MACROD2: variants seen among roughly 807,000 people sequenced by gnomAD.
MACROD2 encodes the protein mono-ADP ribosylhydrolase 2.
Under a neutral mutation model 70.4 loss-of-function variants are expected in MACROD2, and 36 were observed. That is an observed-to-expected ratio of 0.51 (90% CI 0.39 to 0.68). MACROD2 has a LOEUF of 0.68. Among genes scored for constraint, MACROD2 ranks in the 30% least tolerant of loss-of-function variants. The pLI is 0.00. For missense variants in MACROD2, 496 were observed against 538.4 expected, an observed-to-expected ratio of 0.92 and a Z score of 0.78; for synonymous variants, 172 against 178.8, an observed-to-expected ratio of 0.96 and a Z score of 0.30.
intron 5 of MACROD2, among the ~76,000 whole-genome samples, chr20:14,685,280 G>A (rs1600538432): frequency 3.3e-5 from 5 of 152,212 alleles, no homozygotes; most frequent in South Asian, 4.1e-4. Flanking sequence ...GCATTTAAGT[G>A]CCACAGAGTG....
At chr20:14,272,705 G>A (rs2082207832) in intron 3 of MACROD2, among the ~76,000 whole-genome samples, 1 of 151,776 alleles carries the variant, frequency 6.6e-6, no homozygotes, top group Admixed American at 6.6e-5. Flanking sequence ...CTGGCAAATT[G>A]GATAAAGAGT....
chr20:14,890,602 CTATT>C (rs1323127071), intron 5 of MACROD2, among the ~76,000 whole-genome samples: 2 of 151,562 alleles, frequency 1.3e-5, no homozygotes, highest in East Asian at 3.9e-4. Flanking sequence ...ACCCCCATCT[CTATT>C]TAAAAAATAG....
At chr20:15,528,004 A>G (rs1260072263) in intron 8 of MACROD2, among the ~76,000 whole-genome samples, 2 of 152,216 alleles carry the variant, frequency 1.3e-5, no homozygotes, top group Non-Finnish European at 2.9e-5. Flanking sequence ...ATCTGCTGTT[A>G]TATCTCCAGT....
chr20:14,034,254 G>A (rs1352928159), intron 2 of MACROD2, among the ~76,000 whole-genome samples: 4 of 152,176 alleles, frequency 2.6e-5, no homozygotes, highest in East Asian at 1.9e-4. Context: ...GATTACAGGC[G>A]TGAGCCACCG....
intron 5 of MACROD2, among the ~76,000 whole-genome samples, chr20:15,097,032 G>A (rs1470247122): frequency 6.6e-6 from 1 of 151,592 alleles, no homozygotes; most frequent in African/African-American, 2.4e-5. Context: ...GGCTCGTCTC[G>A]AACTCCTGAC....
At chr20:14,893,146 A>G (rs906198647) in intron 5 of MACROD2, 2 of 152,142 alleles carry the variant, frequency 1.3e-5, no homozygotes, top group Admixed American at 1.3e-4. Flanking sequence ...TTAAGGCTGA[A>G]TAATATATCT....
At chr20:15,315,769 A>C (rs1250182974) in intron 6 of MACROD2, among the ~76,000 whole-genome samples, 2 of 152,226 alleles carry the variant, frequency 1.3e-5, no homozygotes, top group Non-Finnish European at 2.9e-5. Context: ...AGGTAAATGC[A>C]TAGGTAAATG....
chr20:14,936,773 CA>C (rs1472252641), intron 5 of MACROD2, among the ~76,000 whole-genome samples: 2 of 152,050 alleles, frequency 1.3e-5, no homozygotes, highest in Non-Finnish European at 2.9e-5. Flanking sequence ...TGAGAATGAC[CA>C]AAAATCAAAA....
intron 3 of MACROD2, among the ~76,000 whole-genome samples, chr20:14,145,608 A>C (rs1157480209): frequency 1.3e-5 from 2 of 152,188 alleles, no homozygotes; most frequent in Non-Finnish European, 2.9e-5. Context: ...AATAGCATGA[A>C]TCTCCAGAAA....
At chr20:14,355,036 T>G (rs1394385353) in intron 3 of MACROD2, among the ~76,000 whole-genome samples, 1 of 152,228 alleles carries the variant, frequency 6.6e-6, no homozygotes, top group Non-Finnish European at 1.5e-5. Flanking sequence ...AATCCACTAG[T>G]GATGGGCACC....
intron 8 of MACROD2, among the ~76,000 whole-genome samples, chr20:15,797,730 A>T (rs753390559): frequency 2.6e-5 from 4 of 152,174 alleles, no homozygotes; most frequent in Non-Finnish European, 5.9e-5. Context: ...TCAGGGTTCT[A>T]TTAGCATAGA....
intron 5 of MACROD2, among the ~76,000 whole-genome samples, chr20:14,784,323 T>C (rs2072337648): frequency 6.6e-6 from 1 of 152,134 alleles, no homozygotes; most frequent in African/African-American, 2.4e-5. Flanking sequence ...AGGACGGAGC[T>C]TGGGTCCCTT....
chr20:15,383,542 G>A (rs897872373), intron 6 of MACROD2, among the ~76,000 whole-genome samples: 2 of 152,060 alleles, frequency 1.3e-5, no homozygotes, highest in African/African-American at 4.8e-5. Context: ...TGTTCCTTTT[G>A]GATTTAATGT....
intron 5 of MACROD2, among the ~76,000 whole-genome samples, chr20:14,730,843 GT>G (rs988273358): frequency 8.6e-5 from 13 of 152,044 alleles, no homozygotes; most frequent in African/African-American, 3.1e-4. Context: ...GGTTTAAAGT[GT>G]TTTTTTAAAG....
chr20:14,279,355 C>T (rs898611451), intron 3 of MACROD2, among the ~76,000 whole-genome samples: 3 of 152,088 alleles, frequency 2.0e-5, no homozygotes, highest in African/African-American at 4.8e-5. Flanking sequence ...CTTCCATTAC[C>T]ATTATGCTTG....
intron 4 of MACROD2, among the ~76,000 whole-genome samples, chr20:14,603,544 A>G (rs1982621982): frequency 6.6e-6 from 1 of 152,184 alleles, no homozygotes; most frequent in Admixed American, 6.5e-5. Flanking sequence ...AGGTTCTTCT[A>G]AAGTTGTTCA....
intron 8 of MACROD2, among the ~76,000 whole-genome samples, chr20:15,642,748 G>T (rs1568947698): frequency 6.6e-6 from 1 of 152,022 alleles, no homozygotes; most frequent in Non-Finnish European, 1.5e-5. Flanking sequence ...TCTCTATCCT[G>T]TCTTCTGTGT....
chr20:14,126,803 C>T (rs2054656625), intron 3 of MACROD2, among the ~76,000 whole-genome samples: 1 of 152,128 alleles, frequency 6.6e-6, no homozygotes, highest in African/African-American at 2.4e-5. Flanking sequence ...ACCAACCGCA[C>T]CCATAGAAGA....
intron 5 of MACROD2, among the ~76,000 whole-genome samples, chr20:15,199,840 T>G (rs987346700): frequency 6.6e-6 from 1 of 152,180 alleles, no homozygotes; most frequent in African/African-American, 2.4e-5. Context: ...CACAACCCTT[T>G]GGGCATCCTC....
Sources: gnomAD v4.1 joint callset for allele counts (sites outside exome capture counted in the v4.1 genomes callset) on GRCh38, gnomAD v4.1.1 for gene constraint, MANE v1.5 for transcripts, NCBI Gene and HGNC (gene_info 2026-07-23, HGNC 2026-07-21) for gene names.